LAMA2: variants seen among roughly 807,000 people sequenced by gnomAD.
The protein encoded by LAMA2 is laminin subunit alpha-2.
A neutral mutation model predicts 364.8 loss-of-function variants in LAMA2; 269 were observed. That is an observed-to-expected ratio of 0.74 (90% CI 0.67 to 0.82). The LOEUF is 0.82. Among genes scored for constraint, LAMA2 ranks in the 40% least tolerant of loss-of-function variants. The pLI, the probability that LAMA2 is intolerant of heterozygous loss-of-function variation, is 0.00. For synonymous variants in LAMA2, 1,379 were observed against 1,370.6 expected (o/e 1.01, Z -0.14); for missense variants, 3,807 against 3,873.2 (o/e 0.98, Z 0.45).
intron 54 of LAMA2, among the ~76,000 whole-genome samples, chr6:129,480,940 C>T (rs1784313648): frequency 6.7e-6 from 1 of 148,922 alleles, no homozygotes; most frequent in African/African-American, 2.5e-5. Context: ...GTCAGTTTGA[C>T]TTAAATCTTT....
chr6:129,417,659 T>G (rs1216721583), intron 40 of LAMA2, among the ~76,000 whole-genome samples: 1 of 151,968 alleles, frequency 6.6e-6, no homozygotes, highest in African/African-American at 2.4e-5. Context: ...CGGCGCCCAC[T>G]GGCACCCAGG....
chr6:129,252,054 CT>C (rs747623583), intron 13 of LAMA2, 29 bp from the exon 14 acceptor site: 23 of 1,516,688 alleles, frequency 1.5e-5, no homozygotes, highest in African/African-American at 1.4e-5. Context: ...CAGTTTTACT[CT>C]TTTTTATTTC....
At chr6:129,010,267 G>C (rs1784683675) in intron 1 of LAMA2, among the ~76,000 whole-genome samples, 1 of 152,142 alleles carries the variant, frequency 6.6e-6, no homozygotes, top group Non-Finnish European at 1.5e-5. Flanking sequence ...CTGAAAAGAA[G>C]ACCATCTTCT....
intron 1 of LAMA2, among the ~76,000 whole-genome samples, chr6:128,942,070 A>T (rs1780196085): frequency 6.6e-6 from 1 of 152,204 alleles, no homozygotes. Context: ...ATATGAGTAA[A>T]AGCAAACTAA....
At chr6:129,292,877 G>A (rs967654563) in intron 20 of LAMA2, 5 of 985,648 alleles carry the variant, frequency 5.1e-6, no homozygotes, top group East Asian at 2.3e-4. Flanking sequence ...CTGTGTCACC[G>A]CAATGTGATA....
chr6:128,932,750 A>G (rs554576854), intron 1 of LAMA2, among the ~76,000 whole-genome samples: 17 of 152,346 alleles, frequency 1.1e-4, no homozygotes, highest in Admixed American at 3.9e-4. Flanking sequence ...TGACGATTTA[A>G]TATACATATA....
At chr6:129,476,246 A>G (rs67603776) in intron 53 of LAMA2, among the ~76,000 whole-genome samples, 1 of 152,044 alleles carries the variant, frequency 6.6e-6, no homozygotes, top group South Asian at 2.1e-4. Flanking sequence ...TGATCCAAGA[A>G]ATTTTTAAAA....
At chr6:129,291,462 T>C (rs775162011) in intron 19 of LAMA2, 152 bp from the exon 20 acceptor site, 61 of 680,786 alleles carry the variant, frequency 9.0e-5, no homozygotes, top group Middle Eastern at 3.5e-4. Context: ...GATTAAATGA[T>C]AGAATGCCTA....
At chr6:129,133,259 C>T (rs951108880) in intron 4 of LAMA2, among the ~76,000 whole-genome samples, 2 of 152,110 alleles carry the variant, frequency 1.3e-5, no homozygotes, top group African/African-American at 4.8e-5. Context: ...AGAGCTAGGC[C>T]AGGGGCTGTA....
chr6:129,046,243 A>G (rs76653099), intron 1 of LAMA2, among the ~76,000 whole-genome samples: 2,433 of 152,318 alleles, frequency 0.016, 29 homozygotes, highest in Middle Eastern at 0.027. Flanking sequence ...CTTTATGTTA[A>G]TATGTAAGTG....
intron 3 of LAMA2, among the ~76,000 whole-genome samples, chr6:129,069,298 C>T (rs1416559112): frequency 7.0e-6 from 1 of 142,212 alleles, no homozygotes; most frequent in Non-Finnish European, 1.6e-5. Context: ...ACATTTCATC[C>T]TTTTGGTGGA....
chr6:129,070,393 G>C (rs1773232804), intron 3 of LAMA2, among the ~76,000 whole-genome samples: 1 of 152,030 alleles, frequency 6.6e-6, no homozygotes, highest in Non-Finnish European at 1.5e-5. Context: ...TTAATTACTG[G>C]ATATTGAAAT....
chr6:129,334,980 C>T (rs1204960296), intron 29 of LAMA2, among the ~76,000 whole-genome samples: 2 of 152,126 alleles, frequency 1.3e-5, no homozygotes, highest in African/African-American at 4.8e-5. Flanking sequence ...CCTTAACCCC[C>T]AACATGATGA....
At chr6:129,076,164 C>T (rs1288031372) in intron 3 of LAMA2, among the ~76,000 whole-genome samples, 1 of 151,550 alleles carries the variant, frequency 6.6e-6, no homozygotes, top group Non-Finnish European at 1.5e-5. Flanking sequence ...GAGTGATGTG[C>T]ACTGGGAAAG....
At chr6:129,466,572 C>T (rs1237730593) in intron 51 of LAMA2, among the ~76,000 whole-genome samples, 3 of 151,924 alleles carry the variant, frequency 2.0e-5, no homozygotes, top group Admixed American at 6.6e-5. Flanking sequence ...GTAAGAGAGG[C>T]ACAATGCACA....
chr6:129,237,612 G>A (rs1258640929), intron 12 of LAMA2, among the ~76,000 whole-genome samples: 1 of 152,074 alleles, frequency 6.6e-6, no homozygotes, highest in Admixed American at 6.6e-5. Context: ...GGGATTGCAA[G>A]CGTGTTTCAG....
rs1221934926 is a variant in LAMA2 at position 129,043,081 on chromosome 6, C to A, written c.113-6837C>A. Among the ~76,000 whole-genome samples the A allele has an allele frequency of 2.6e-5, 4 of 152,268 alleles. No homozygotes were observed. The East Asian group carries it at 7.7e-4, about 29-fold the overall frequency. On this transcript the variant is annotated intron_variant, in intron 1 of 64. Transcript: ENST00000421865. The stretch of plus-strand genomic sequence containing the variant: ...ATATTTATTAAAAACTACCTGTTTT[C>A]TAAAAGGGTTGTGCTAATTTACATT...
intron 1 of LAMA2, among the ~76,000 whole-genome samples, chr6:128,914,032 A>G (rs574212220): frequency 1.3e-5 from 2 of 152,316 alleles, no homozygotes; most frequent in South Asian, 4.1e-4. Context: ...TAAAAAATTA[A>G]TAAGAGAAGA....
At chr6:129,086,856 G>T (rs1310135836) in intron 3 of LAMA2, among the ~76,000 whole-genome samples, 1 of 152,194 alleles carries the variant, frequency 6.6e-6, no homozygotes, top group Non-Finnish European at 1.5e-5. Flanking sequence ...CTCTAAGGTA[G>T]AATTCATTTT....
Sources: gnomAD v4.1 joint callset for allele counts (sites outside exome capture counted in the v4.1 genomes callset) on GRCh38, gnomAD v4.1.1 for gene constraint, MANE v1.5 for transcripts, NCBI Gene and HGNC (gene_info 2026-07-23, HGNC 2026-07-21) for gene names.